Variants in STRN3 observed in about 807,000 individuals in gnomAD.
STRN3 encodes the protein striatin-3.
A neutral mutation model predicts 95.6 loss-of-function variants in STRN3; 29 were observed. The ratio of observed to expected loss-of-function variants is 0.30; its 90% CI spans 0.23 to 0.41. The LOEUF (loss-of-function observed/expected upper bound fraction) is 0.41. Ranked by LOEUF, STRN3 falls within the 10% of genes least tolerant of loss-of-function variation. The pLI, the probability that STRN3 is intolerant of heterozygous loss-of-function variation, is 1.00. For missense variants in STRN3, 890 were observed against 972.1 expected (o/e 0.92, Z 1.12); for synonymous variants, 331 against 357.6 (o/e 0.93, Z 0.84).
chr14:30,912,926 A>G (rs1362379798), intron 10 of STRN3, among the ~76,000 whole-genome samples: 1 of 152,206 alleles, frequency 6.6e-6, no homozygotes, highest in African/African-American at 2.4e-5. Context: ...AAAAACTGCA[A>G]TTAACATAAA....
At chr14:30,913,471 A>T in intron 10 of STRN3, 53 bp downstream of exon 10, 1 of 1,492,858 alleles carries the variant, frequency 6.7e-7, no homozygotes, top group Non-Finnish European at 8.9e-7. Context: ...ATTCCAAAAA[A>T]TAAGGAGCCT....
At chr14:31,009,136 C>T (rs1351415924) in intron 1 of STRN3, among the ~76,000 whole-genome samples, 1 of 151,944 alleles carries the variant, frequency 6.6e-6, no homozygotes, top group Non-Finnish European at 1.5e-5. Context: ...AATAAATTAA[C>T]TTAGTATGAG....
At chr14:31,009,343 G>A (rs554816475) in intron 1 of STRN3, among the ~76,000 whole-genome samples, 16 of 152,140 alleles carry the variant, frequency 1.1e-4, no homozygotes, top group African/African-American at 3.9e-4. Context: ...GGACATGGAG[G>A]GCTGTCCCGT....
intron 1 of STRN3, among the ~76,000 whole-genome samples, chr14:30,961,316 TAA>T (rs1400502726): frequency 6.6e-6 from 1 of 152,118 alleles, no homozygotes; most frequent in East Asian, 1.9e-4. Flanking sequence ...CTTAAAATTT[TAA>T]AAAAGACAAG....
chr14:30,960,685 C>T (rs1321536926), intron 1 of STRN3, among the ~76,000 whole-genome samples: 2 of 151,344 alleles, frequency 1.3e-5, no homozygotes, highest in Admixed American at 6.6e-5. Flanking sequence ...CTGGCTAACA[C>T]GGTGAAACCC....
At chr14:30,976,067 CA>C (rs768195943) in intron 1 of STRN3, among the ~76,000 whole-genome samples, 40 of 152,104 alleles carry the variant, frequency 2.6e-4, no homozygotes, top group Non-Finnish European at 4.4e-4. Context: ...AACCCAACTA[CA>C]TCAATAATCA....
intron 1 of STRN3, among the ~76,000 whole-genome samples, chr14:30,976,890 G>A (rs984003215): frequency 2.0e-5 from 3 of 152,160 alleles, no homozygotes; most frequent in Non-Finnish European, 2.9e-5. Context: ...AGGAGTTTGA[G>A]ACCAGCCTGG....
chr14:30,919,853 C>T (rs1205502833), intron 8 of STRN3, among the ~76,000 whole-genome samples: 1 of 151,972 alleles, frequency 6.6e-6, no homozygotes, highest in African/African-American at 2.4e-5. Context: ...AGCTTCTGTA[C>T]CATTGTGGAA....
At chr14:30,994,273 G>T (rs571110429) in intron 1 of STRN3, among the ~76,000 whole-genome samples, 1 of 152,292 alleles carries the variant, frequency 6.6e-6, no homozygotes, top group African/African-American at 2.4e-5. Context: ...TTACAGGCAT[G>T]AGCCACGGCC....
At chr14:30,983,250 A>T (rs930880403) in intron 1 of STRN3, among the ~76,000 whole-genome samples, 1 of 152,180 alleles carries the variant, frequency 6.6e-6, no homozygotes, top group Non-Finnish European at 1.5e-5. Flanking sequence ...AAATTACCTT[A>T]ACATAAGGCA....
intron 1 of STRN3, among the ~76,000 whole-genome samples, chr14:30,981,095 G>A (rs1036282244): frequency 6.6e-6 from 1 of 152,040 alleles, no homozygotes; most frequent in Non-Finnish European, 1.5e-5. Flanking sequence ...ATCACCTGAA[G>A]CCAGCCAGGC....
chr14:30,973,589 T>C (rs950275271), intron 1 of STRN3, among the ~76,000 whole-genome samples: 2 of 152,272 alleles, frequency 1.3e-5, no homozygotes, highest in African/African-American at 2.4e-5. Flanking sequence ...TCCAAAAATC[T>C]GAAGAGAAGG....
chr14:30,988,341 G>A (rs753235930), intron 1 of STRN3, among the ~76,000 whole-genome samples: 4 of 152,088 alleles, frequency 2.6e-5, no homozygotes, highest in Non-Finnish European at 4.4e-5. Flanking sequence ...ACAAAAAGCT[G>A]TTCCAGGTAT....
intron 3 of STRN3, among the ~76,000 whole-genome samples, chr14:30,951,856 G>A (rs995312890): frequency 6.6e-6 from 1 of 152,132 alleles, no homozygotes; most frequent in Non-Finnish European, 1.5e-5. Flanking sequence ...AATGGCTCAC[G>A]CCTGTAATCC....
At chr14:30,947,024 A>G (rs892012500) in intron 5 of STRN3, 66 bp downstream of exon 5, 1 of 1,254,500 alleles carries the variant, frequency 8.0e-7, no homozygotes, top group Non-Finnish European at 1.1e-6. Flanking sequence ...ACAAGGAGCT[A>G]AAGAGATTAA....
At position 30,911,187 on chromosome 14, in the gene STRN3, A is replaced by G. The variant is rs779311338; in HGVS notation, c.1599-25T>C. On this transcript the variant is annotated intron_variant, in intron 12 of 17. Transcript: ENST00000357479. ...GCTATTGTAGGAAGAGAGGAAAAAC[A>G]AATTACTGATAAATTCTAAGAAGAA... 6.5e-5 allele frequency: 104 copies of G among 1,596,952 alleles called. 1 individual carries two copies. The South Asian group carries it at 1.2e-3, about 18-fold the overall frequency.
intron 7 of STRN3, 94 bp downstream of exon 7, chr14:30,935,069 T>C (rs547661963): frequency 1.2e-4 from 175 of 1,458,834 alleles, no homozygotes; most frequent in Non-Finnish European, 1.5e-4. Context: ...ACTGCCACCA[T>C]ATATTTATAC....
chr14:30,907,644 A>G (rs1229047217), intron 13 of STRN3, among the ~76,000 whole-genome samples: 2 of 152,250 alleles, frequency 1.3e-5, no homozygotes, highest in Admixed American at 1.3e-4. Context: ...CCCAGGCTGG[A>G]GTACAGTGGC....
chr14:30,939,154 T>C (rs1357751803), intron 5 of STRN3, among the ~76,000 whole-genome samples: 3 of 152,180 alleles, frequency 2.0e-5, no homozygotes, highest in Admixed American at 2.0e-4. Flanking sequence ...AACTCTGAGC[T>C]TAGGGAACTT....
Sources: gnomAD v4.1 joint callset for allele counts (sites outside exome capture counted in the v4.1 genomes callset) on GRCh38, gnomAD v4.1.1 for gene constraint, MANE v1.5 for transcripts, NCBI Gene and HGNC (gene_info 2026-07-23, HGNC 2026-07-21) for gene names.